Variants in LSAMP observed in about 807,000 individuals in gnomAD.
The protein encoded by LSAMP is limbic system-associated membrane protein.
In LSAMP, 7 loss-of-function variants were observed where a neutral mutation model predicts 38.6. The observed-to-expected ratio is 0.18, with a 90% CI of 0.10 to 0.34. The LOEUF is 0.34. Among genes scored for constraint, LSAMP ranks in the 10% least tolerant of loss-of-function variants. The pLI, the probability that LSAMP is intolerant of heterozygous loss-of-function variation, is 1.00. For missense variants in LSAMP, 313 were observed against 420.0 expected, an observed-to-expected ratio of 0.75 and a Z score of 2.23; for synonymous variants, 154 against 166.8, an observed-to-expected ratio of 0.92 and a Z score of 0.59.
At chr3:116,231,617 A>G (rs1299785669) in intron 1 of LSAMP, among the ~76,000 whole-genome samples, 1 of 152,206 alleles carries the variant, frequency 6.6e-6, no homozygotes, top group Non-Finnish European at 1.5e-5. Context: ...GAAAAACAAA[A>G]GCTAAGCTGC....
chr3:116,202,351 C>G (rs2045999057), intron 1 of LSAMP, among the ~76,000 whole-genome samples: 1 of 152,148 alleles, frequency 6.6e-6, no homozygotes, highest in African/African-American at 2.4e-5. Context: ...CCAGGCTAAT[C>G]TTGAACTCCT....
At chr3:115,997,713 GATATATATATATATATATATATATAT>G (rs376845636) in intron 3 of LSAMP, among the ~76,000 whole-genome samples, 44 of 91,668 alleles carry the variant, frequency 4.8e-4, no homozygotes, top group Non-Finnish European at 4.2e-4. Flanking sequence ...GACATTTTGG[GATATATATATATATATATATATATAT>G]ATATATATAT....
chr3:115,850,136 C>A (rs1043727922), intron 4 of LSAMP, among the ~76,000 whole-genome samples: 8 of 152,166 alleles, frequency 5.3e-5, no homozygotes, highest in Admixed American at 5.2e-4. Context: ...CAAAAGCTCA[C>A]ATTTTCATAA....
At position 116,418,653 on chromosome 3, in the gene LSAMP, A is replaced by G. The variant is rs77860961; in HGVS notation, c.155+26224T>C. The stretch of plus-strand genomic sequence containing the variant: ...GACACAATTATATCAATGTGCATTA[A>G]CAAATTACTTTCCTTTGCCCAGTAA... On this transcript the variant is annotated intron_variant, in intron 1 of 6. Coordinates refer to ENST00000490035, the MANE Select transcript of LSAMP (RefSeq NM_002338.5). 4.0e-3 allele frequency among the ~76,000 whole-genome samples: 606 copies of G among 152,336 alleles called. 2 individuals carry two copies. Among genetic ancestry groups the G allele is most frequent in the Non-Finnish European group, 6.8e-3 (464 of 68,024 alleles).
chr3:116,390,371 A>G (rs1304911129), intron 1 of LSAMP, among the ~76,000 whole-genome samples: 1 of 152,180 alleles, frequency 6.6e-6, no homozygotes, highest in South Asian at 2.1e-4. Context: ...AAGACTTCAC[A>G]TAGAAGGTAA....
intron 1 of LSAMP, among the ~76,000 whole-genome samples, chr3:116,435,559 C>T (rs2107879956): frequency 6.6e-6 from 1 of 152,274 alleles, no homozygotes; most frequent in African/African-American, 2.4e-5. Context: ...GTCCTGCGTG[C>T]CACACCAGAA....
At chr3:115,934,201 CAG>C (rs1156421812) in intron 3 of LSAMP, among the ~76,000 whole-genome samples, 1 of 141,738 alleles carries the variant, frequency 7.1e-6, no homozygotes, top group East Asian at 2.1e-4. Context: ...TTTTTTCAGT[CAG>C]AGTGTCACTC....
chr3:116,045,903 C>G (rs1458331932), intron 2 of LSAMP, among the ~76,000 whole-genome samples: 2 of 152,132 alleles, frequency 1.3e-5, no homozygotes, highest in African/African-American at 4.8e-5. Context: ...ATAACCTAGG[C>G]TCAATTTTAA....
chr3:115,937,185 T>A (rs563816428), intron 3 of LSAMP, among the ~76,000 whole-genome samples: 3 of 152,282 alleles, frequency 2.0e-5, no homozygotes, highest in African/African-American at 4.8e-5. Context: ...ATATAAAAAA[T>A]TTTTCTTTGA....
In LSAMP at chr3:115,805,536, G is replaced by A. The variant is rs1056705616; in HGVS notation, c.*4781C>T. The A allele has an allele frequency of 1.3e-5, 2 of 152,056 alleles. No homozygotes were observed. The highest frequency in any genetic ancestry group is 4.8e-5 in the African/African-American group (2 of 41,388). 9.4% of individuals were successfully genotyped at this position (152,056 alleles called of 1,614,324 possible). A position where few individuals can be genotyped will look rare whatever the true frequency, so the allele number is the denominator to read the frequency against. On this transcript the variant is annotated 3_prime_UTR_variant, in exon 7 of 7. Coordinates refer to ENST00000490035, the MANE Select transcript of LSAMP (RefSeq NM_002338.5). ...TGGTGCCTAATTTATTAATCAGCAC[G>A]CAGCATGTAAATGTGCTCAAAAGAA...
intron 1 of LSAMP, among the ~76,000 whole-genome samples, chr3:116,093,544 C>T (rs1002815150): frequency 3.3e-5 from 5 of 152,090 alleles, no homozygotes; most frequent in East Asian, 3.9e-4. Context: ...GGTTGTAAGT[C>T]GATAGTTAAT....
At chr3:116,310,562 G>C (rs1052774045) in intron 1 of LSAMP, among the ~76,000 whole-genome samples, 1 of 152,152 alleles carries the variant, frequency 6.6e-6, no homozygotes, top group African/African-American at 2.4e-5. Flanking sequence ...TGTATATACA[G>C]CTATTCAGAT....
intron 1 of LSAMP, among the ~76,000 whole-genome samples, chr3:116,296,517 T>TA (rs765589860): frequency 4.0e-5 from 6 of 151,294 alleles, no homozygotes; most frequent in East Asian, 2.0e-4. Context: ...CCGTCTCTAC[T>TA]AAAAAAATAC....
At chr3:116,227,881 G>A (rs138363549) in intron 1 of LSAMP, among the ~76,000 whole-genome samples, 122 of 152,102 alleles carry the variant, frequency 8.0e-4, no homozygotes, top group African/African-American at 2.8e-3. Context: ...GACTGATATT[G>A]GTCTAAAGGA....
At chr3:116,282,364 C>A (rs914248502) in intron 1 of LSAMP, among the ~76,000 whole-genome samples, 2 of 152,172 alleles carry the variant, frequency 1.3e-5, no homozygotes, top group Non-Finnish European at 2.9e-5. Context: ...AAAAAAAAAT[C>A]TGTTCTTTTA....
intron 1 of LSAMP, among the ~76,000 whole-genome samples, chr3:116,145,935 C>A (rs1181011086): frequency 6.6e-6 from 1 of 151,734 alleles, no homozygotes; most frequent in Admixed American, 6.6e-5. Context: ...AAATAAACTT[C>A]TTTTATATTA....
chr3:116,303,044 T>C (rs1344224761), intron 1 of LSAMP, among the ~76,000 whole-genome samples: 2 of 152,194 alleles, frequency 1.3e-5, no homozygotes, highest in Non-Finnish European at 2.9e-5. Flanking sequence ...ATTTTTATTT[T>C]AATTAATTTT....
intron 1 of LSAMP, among the ~76,000 whole-genome samples, chr3:116,209,134 C>A (rs191732054): frequency 1.2e-3 from 189 of 152,330 alleles, no homozygotes; most frequent in African/African-American, 4.3e-3. Context: ...CCGAAAAGCG[C>A]AGTATTCGGG....
chr3:116,093,645 G>C (rs1275699954), intron 1 of LSAMP, among the ~76,000 whole-genome samples: 1 of 152,116 alleles, frequency 6.6e-6, no homozygotes, highest in Non-Finnish European at 1.5e-5. Context: ...TAACACCCAG[G>C]ATAGGTAAAG....
Sources: gnomAD v4.1 joint callset for allele counts (sites outside exome capture counted in the v4.1 genomes callset) on GRCh38, gnomAD v4.1.1 for gene constraint, MANE v1.5 for transcripts, NCBI Gene and HGNC (gene_info 2026-07-23, HGNC 2026-07-21) for gene names.